Variants in SNX29 observed in about 807,000 individuals in gnomAD.
SNX29 encodes sorting nexin 29, also known as sorting nexin-29.
SNX29 carries 78 observed loss-of-function variants against 102.1 expected under a neutral mutation model. The ratio of observed to expected loss-of-function variants is 0.76; its 90% confidence interval spans 0.64 to 0.92. SNX29 has a LOEUF of 0.92. Among genes scored for constraint, SNX29 ranks in the 40% least tolerant of loss-of-function variants. The probability of loss-of-function intolerance (pLI) is 0.00; values close to 1 mark genes in which losing one functional copy is unlikely to be tolerated. For missense variants in SNX29, 1,280 were observed against 1,061.7 expected, an observed-to-expected ratio of 1.21 and a Z score of -2.86; for synonymous variants, 580 against 414.5, an observed-to-expected ratio of 1.40 and a Z score of -4.85.
chr16:12,181,710 AGG>A (rs5815669), intron 13 of SNX29, among the ~76,000 whole-genome samples: 1 of 151,210 alleles, frequency 6.6e-6, no homozygotes, highest in Non-Finnish European at 1.5e-5. Flanking sequence ...TTGGTGATTG[AGG>A]GGGGGTCCTC....
At position 12,524,723 on chromosome 16, in the gene SNX29, C is replaced by G; in HGVS notation, c.2200C>G (p.Arg734Gly). The change falls in exon 20 of 21, where the codon CGG becomes GGG. Residue 734 changes from arginine (R) to glycine (G), a missense_variant. Arg to Gly is a moderately radical substitution (Grantham distance 125). Transcript: ENST00000566228. The stretch of plus-strand genomic sequence containing the variant: ...TCAGGATGCCAAGTTTGTGGAGGAA[C>G]GGAGAAAGCAGCTCCAGAATTACCT... ...GNKDAKFVEERRKQLQNYLRS... is the reference protein window; with the variant it reads ...GNKDAKFVEEGRKQLQNYLRS... 1 of 1,613,352 alleles carries G rather than the reference C, an allele frequency of 6.2e-7. No homozygotes were observed. Among genetic ancestry groups the G allele is most frequent in the Non-Finnish European group, 8.5e-7 (1 of 1,179,686 alleles).
At chr16:12,507,267 C>T (rs1277452521) in intron 19 of SNX29, among the ~76,000 whole-genome samples, 1 of 152,200 alleles carries the variant, frequency 6.6e-6, no homozygotes, top group Non-Finnish European at 1.5e-5. Context: ...CGGTGCCTGG[C>T]ATTGAGCAGG....
chr16:12,542,368 T>G lies in SNX29; in HGVS notation c.2318+17527T>G, dbSNP rs575905991. Among the ~76,000 whole-genome samples, 49 of 152,336 alleles carry G rather than the reference T, an allele frequency of 3.2e-4. 2 individuals are homozygous for G. In the South Asian group the frequency reaches 5.4e-3, roughly 17 times the overall value. On this transcript the variant is annotated intron_variant, in intron 20 of 20. Transcript: ENST00000566228. ...CTCAAAAGAAAAAGTTAGACCCAAG[T>G]TCTATCACCCAGGGTGGAGTACAGT... is the stretch of plus-strand genomic sequence containing the variant.
intron 3 of SNX29, among the ~76,000 whole-genome samples, chr16:12,018,343 C>T (rs1306766704): frequency 6.6e-6 from 1 of 151,074 alleles, no homozygotes; most frequent in Non-Finnish European, 1.5e-5. Context: ...TTTGGGAGGC[C>T]AAGGCAGGTG....
At chr16:12,057,398 A>G (rs986569807) in intron 8 of SNX29, among the ~76,000 whole-genome samples, 3 of 152,188 alleles carry the variant, frequency 2.0e-5, no homozygotes, top group Non-Finnish European at 4.4e-5. Flanking sequence ...GGGATGAATG[A>G]GGCTGCAGGG....
intron 17 of SNX29, 73 bp from the exon 18 acceptor site, chr16:12,403,375 C>A: frequency 3.4e-6 from 5 of 1,449,872 alleles, no homozygotes; most frequent in East Asian, 2.5e-5. Flanking sequence ...TGTCTCCTTT[C>A]CTCTTTTTTA....
chr16:12,571,711 G>A lies in SNX29; in HGVS notation c.*3082G>A. 9.5e-7 allele frequency: 1 copy of A among 1,057,574 alleles called. No individual in the cohort carries two copies. The highest frequency in any genetic ancestry group is 1.1e-6 in the Non-Finnish European group (1 of 873,464). 65.5% of individuals were successfully genotyped at this position (1,057,574 alleles called of 1,614,324 possible). A position where few individuals can be genotyped will look rare whatever the true frequency, so the allele number is the denominator to read the frequency against. ...TTGAGAGACAACAAAAGCTTCTAAG[G>A]GAGGGAGCTTAAAGGCTGCTAGAAA... is the stretch of plus-strand genomic sequence containing the variant. On this transcript the variant is annotated 3_prime_UTR_variant, in exon 21 of 21. Coordinates refer to ENST00000566228, the MANE Select transcript of SNX29 (RefSeq NM_032167.5).
At chr16:12,545,161 G>C (rs76867588) in intron 20 of SNX29, among the ~76,000 whole-genome samples, 1 of 152,174 alleles carries the variant, frequency 6.6e-6, no homozygotes, top group African/African-American at 2.4e-5. Flanking sequence ...CAGACACTCT[G>C]CCAGCCGTCA....
chr16:12,064,583 C>T (rs1349090076), intron 9 of SNX29, among the ~76,000 whole-genome samples: 1 of 152,218 alleles, frequency 6.6e-6, no homozygotes, highest in Admixed American at 6.5e-5. Context: ...CCAGGGGCTG[C>T]GCACAGGGGC....
chr16:12,206,206 T>G (rs1336590198), intron 14 of SNX29, among the ~76,000 whole-genome samples: 2 of 152,170 alleles, frequency 1.3e-5, no homozygotes, highest in Non-Finnish European at 2.9e-5. Context: ...ACAATCTGAT[T>G]TAATCTGTCT....
intron 20 of SNX29, among the ~76,000 whole-genome samples, chr16:12,553,486 A>G (rs2078121496): frequency 6.6e-6 from 1 of 152,156 alleles, no homozygotes; most frequent in African/African-American, 2.4e-5. Flanking sequence ...TGCTTAGACC[A>G]GGCAGGGCAG....
chr16:12,395,489 G>A (rs911286671), intron 16 of SNX29, among the ~76,000 whole-genome samples: 1 of 152,250 alleles, frequency 6.6e-6, no homozygotes, highest in Non-Finnish European at 1.5e-5. Flanking sequence ...AATCCTGGCT[G>A]CTCTGTTGCT....
intron 15 of SNX29, among the ~76,000 whole-genome samples, chr16:12,279,618 A>C (rs897170133): frequency 6.6e-5 from 10 of 152,138 alleles, no homozygotes; most frequent in African/African-American, 2.4e-4. Flanking sequence ...CCAAGTGGAG[A>C]GGGAAGCAGG....
chr16:12,475,646 A>C (rs542744700), intron 18 of SNX29, among the ~76,000 whole-genome samples: 1 of 152,360 alleles, frequency 6.6e-6, no homozygotes, highest in East Asian at 1.9e-4. Context: ...ATAGTTAGGC[A>C]CAATCATCTA....
chr16:12,568,495 T>C lies in SNX29; in HGVS notation c.2319-11T>C, dbSNP rs964125812. ...CCCAGACTTAACCCGATTCTCTCCC[T>C]GCTCTTTCAGCGACATCACCCCGCC... On this transcript the variant is annotated splice_polypyrimidine_tract_variant and intron_variant, in intron 20 of 20. Coordinates refer to ENST00000566228, the MANE Select transcript of SNX29 (RefSeq NM_032167.5). 1.2e-6 allele frequency: 2 copies of C among 1,609,164 alleles called. No individual in the cohort carries two copies. The highest frequency in any genetic ancestry group is 1.7e-5 in the Admixed American group (1 of 59,994).
At chr16:12,171,525 G>C (rs941347051) in intron 13 of SNX29, among the ~76,000 whole-genome samples, 3 of 152,212 alleles carry the variant, frequency 2.0e-5, no homozygotes, top group Non-Finnish European at 4.4e-5. Context: ...ACCCAGCTCT[G>C]GCTGTAGCTG....
intron 14 of SNX29, among the ~76,000 whole-genome samples, chr16:12,203,169 A>T (rs1444398778): frequency 6.6e-6 from 1 of 151,506 alleles, no homozygotes; most frequent in African/African-American, 2.4e-5. Context: ...CCCCACTCTC[A>T]GGTGGACTGG....
chr16:12,092,083 TCCC>T (rs1203412868), intron 11 of SNX29, among the ~76,000 whole-genome samples: 2 of 152,122 alleles, frequency 1.3e-5, no homozygotes, highest in East Asian at 1.9e-4. Context: ...TCTCATCCCA[TCCC>T]CCCAAGTGCA....
intron 15 of SNX29, among the ~76,000 whole-genome samples, chr16:12,291,312 T>C (rs994152251): frequency 2.6e-5 from 4 of 152,192 alleles, no homozygotes; most frequent in Non-Finnish European, 5.9e-5. Context: ...GAGCAAGTCA[T>C]GTCTAACATG....
Sources: gnomAD v4.1 joint callset for allele counts (sites outside exome capture counted in the v4.1 genomes callset) on GRCh38, gnomAD v4.1.1 for gene constraint, MANE v1.5 for transcripts, NCBI Gene and HGNC (gene_info 2026-07-23, HGNC 2026-07-21) for gene names.